The following NKAIN3 variants were observed in gnomAD, a reference collection of about 807,000 sequenced individuals.
The protein encoded by NKAIN3 is sodium/potassium transporting ATPase interacting 3.
A neutral mutation model predicts 30.2 loss-of-function variants in NKAIN3; 25 were observed. That is an observed-to-expected ratio of 0.83 (90% confidence interval 0.60 to 1.16). NKAIN3 has a LOEUF of 1.16. Ranked by LOEUF, NKAIN3 falls within the 50% of genes most tolerant of loss-of-function variation. NKAIN3 has a pLI of 0.00. For missense variants in NKAIN3, 225 were observed against 254.1 expected, an observed-to-expected ratio of 0.89 and a Z score of 0.78; for synonymous variants, 91 against 89.6, an observed-to-expected ratio of 1.02 and a Z score of -0.09.
intron 1 of NKAIN3, among the ~76,000 whole-genome samples, chr8:62,297,584 A>G (rs1170810121): frequency 2.0e-5 from 3 of 152,120 alleles, no homozygotes; most frequent in Admixed American, 6.6e-5. Flanking sequence ...GCTCACCATC[A>G]CTGGCCGTCA....
chr8:62,310,024 A>T (rs1440886983), intron 1 of NKAIN3, among the ~76,000 whole-genome samples: 1 of 150,648 alleles, frequency 6.6e-6, no homozygotes, highest in African/African-American at 2.5e-5. Context: ...GTCATAAAAT[A>T]GAATGGTTAA....
intron 1 of NKAIN3, among the ~76,000 whole-genome samples, chr8:62,518,872 G>A (rs945868868): frequency 2.0e-5 from 3 of 152,076 alleles, no homozygotes; most frequent in Non-Finnish European, 2.9e-5. Flanking sequence ...CTAGCTTCAG[G>A]ATTTAGAAGT....
rs917539005 is a variant in NKAIN3, at chr8:62,972,666, T to G, written c.*7259T>G. Among the ~76,000 whole-genome samples the G allele has an allele frequency of 1.3e-5, 2 of 152,124 alleles. No homozygotes were observed. Among genetic ancestry groups the G allele is most frequent in the Admixed American group, 1.3e-4 (2 of 15,260 alleles). On this transcript the variant is annotated 3_prime_UTR_variant, in exon 7 of 7. Coordinates refer to ENST00000623646, the MANE Select transcript of NKAIN3 (RefSeq NM_001304533.3). ...GAGTATTTGCCAATATTCTCTATGA[T>G]TTATTTACATTCTTTTTTCATATAT...
intron 3 of NKAIN3, among the ~76,000 whole-genome samples, chr8:62,742,201 C>T (rs1268436335): frequency 6.6e-6 from 1 of 151,872 alleles, no homozygotes; most frequent in African/African-American, 2.4e-5. Context: ...AGAATTCAGG[C>T]TTAAATAACA....
At chr8:62,876,680 G>A (rs1820803290) in intron 4 of NKAIN3, among the ~76,000 whole-genome samples, 1 of 152,122 alleles carries the variant, frequency 6.6e-6, no homozygotes, top group South Asian at 2.1e-4. Context: ...AGATGAAGCT[G>A]GAACCCATCA....
At chr8:62,911,399 T>C (rs549610245) in intron 4 of NKAIN3, among the ~76,000 whole-genome samples, 1 of 152,300 alleles carries the variant, frequency 6.6e-6, no homozygotes, top group East Asian at 1.9e-4. Flanking sequence ...CAAGCAACTA[T>C]GGGCTTACGA....
chr8:62,390,369 C>T (rs13250167), intron 1 of NKAIN3, among the ~76,000 whole-genome samples: 1 of 152,134 alleles, frequency 6.6e-6, no homozygotes, highest in African/African-American at 2.4e-5. Flanking sequence ...CTGCAAAGGA[C>T]ATGAGCTTGT....
At chr8:62,445,236 G>A (rs891294523) in intron 1 of NKAIN3, among the ~76,000 whole-genome samples, 2 of 151,948 alleles carry the variant, frequency 1.3e-5, no homozygotes, top group African/African-American at 2.4e-5. Context: ...GAGCCACCAC[G>A]CCCAACCTTG....
chr8:62,289,635 G>T (rs543228085), intron 1 of NKAIN3, among the ~76,000 whole-genome samples: 53 of 152,190 alleles, frequency 3.5e-4, no homozygotes, highest in Non-Finnish European at 6.5e-4. Context: ...ATGCTGTTTT[G>T]GTTACTGTAG....
At chr8:62,582,319 A>G (rs1487166563) in intron 2 of NKAIN3, among the ~76,000 whole-genome samples, 47 of 152,158 alleles carry the variant, frequency 3.1e-4, no homozygotes, top group Non-Finnish European at 1.0e-4. Context: ...AAAAACAGAC[A>G]GACACATTCT....
At chr8:62,570,341 T>C (rs1261478898) in intron 1 of NKAIN3, among the ~76,000 whole-genome samples, 1 of 152,240 alleles carries the variant, frequency 6.6e-6, no homozygotes, top group Non-Finnish European at 1.5e-5. Flanking sequence ...TTATGAAGAA[T>C]GCCACATGAA....
At chr8:62,765,246 CA>C (rs34477671) in intron 4 of NKAIN3, among the ~76,000 whole-genome samples, 85 of 42,518 alleles carry the variant, frequency 2.0e-3, no homozygotes, top group Middle Eastern at 0.029. Flanking sequence ...GACTCCATCT[CA>C]AAAAAAAAAA....
At position 62,867,464 on chromosome 8, in the gene NKAIN3, TA is replaced by T. The variant is rs552431767; in HGVS notation, c.472-50982del. 9.1e-4 allele frequency among the ~76,000 whole-genome samples: 138 copies of T among 152,134 alleles called. 1 individual carries two copies. In the Middle Eastern group the frequency reaches 0.02, roughly 22 times the overall value. ...CTGATAAATGTACCAAGAATGAAAC[TA>T]AAAAAAGACACACCAGAAAGTCCAG... On this transcript the variant is annotated intron_variant, in intron 4 of 6. Transcript: ENST00000623646.
At chr8:62,801,930 T>G (rs1487323687) in intron 4 of NKAIN3, among the ~76,000 whole-genome samples, 1 of 152,116 alleles carries the variant, frequency 6.6e-6, no homozygotes, top group Non-Finnish European at 1.5e-5. Flanking sequence ...TTAAAGGAGC[T>G]GATGGAGCTG....
downstream of NKAIN3, among the ~76,000 whole-genome samples, chr8:62,989,749 CTG>C (rs1281395732): frequency 3.3e-5 from 5 of 152,134 alleles, no homozygotes; most frequent in African/African-American, 1.2e-4. Context: ...AACATTTACT[CTG>C]TGGAAGATGT....
intron 1 of NKAIN3, among the ~76,000 whole-genome samples, chr8:62,400,931 C>A (rs1000927700): frequency 2.0e-5 from 3 of 151,948 alleles, no homozygotes; most frequent in African/African-American, 7.2e-5. Context: ...TGTTCTGTAA[C>A]CTTCTTGTAC....
chr8:62,498,910 G>A (rs766851008), intron 1 of NKAIN3, among the ~76,000 whole-genome samples: 3 of 151,924 alleles, frequency 2.0e-5, no homozygotes, highest in African/African-American at 4.8e-5. Context: ...TTTTTGTTCC[G>A]AGATATCCTT....
chr8:62,647,223 TAA>T (rs1241520770), intron 3 of NKAIN3, among the ~76,000 whole-genome samples: 1 of 152,194 alleles, frequency 6.6e-6, no homozygotes, highest in Non-Finnish European at 1.5e-5. Context: ...GCAAAGTTGT[TAA>T]GAGTCTGCAA....
At chr8:62,827,687 T>C (rs770668928) in intron 4 of NKAIN3, among the ~76,000 whole-genome samples, 1 of 152,084 alleles carries the variant, frequency 6.6e-6, no homozygotes, top group Non-Finnish European at 1.5e-5. Context: ...AAAATATATA[T>C]ATTGTGTAAA....
Sources: allele counts gnomAD v4.1 joint callset (sites outside exome capture counted in the v4.1 genomes callset), GRCh38; gene constraint gnomAD v4.1.1; transcripts MANE v1.5; gene names NCBI Gene and HGNC (gene_info 2026-07-23, HGNC 2026-07-21).